Variants in USP46 observed in about 807,000 individuals in gnomAD.
USP46 encodes ubiquitin carboxyl-terminal hydrolase 46.
Under a neutral mutation model 44.4 loss-of-function variants are expected in USP46, and 12 were observed. The observed-to-expected ratio is 0.27, with a 90% CI of 0.17 to 0.44. The LOEUF (loss-of-function observed/expected upper bound fraction) is 0.44, where lower values mean the gene tolerates loss of function less well. Among genes scored for constraint, USP46 ranks in the 20% least tolerant of loss-of-function variants. USP46 has a pLI of 1.00. For synonymous variants in USP46, 155 were observed against 161.5 expected (o/e 0.96, Z 0.31); for missense variants, 248 against 444.8 (o/e 0.56, Z 3.98).
At chr4:52,623,897 G>A (rs2109625738) in intron 4 of USP46, among the ~76,000 whole-genome samples, 1 of 152,076 alleles carries the variant, frequency 6.6e-6, no homozygotes, top group South Asian at 2.1e-4. Flanking sequence ...TCCAGCCTAG[G>A]CAGCAGAGCG....
intron 4 of USP46, among the ~76,000 whole-genome samples, chr4:52,615,372 G>T (rs1717093142): frequency 6.6e-6 from 1 of 152,164 alleles, no homozygotes; most frequent in Non-Finnish European, 1.5e-5. Context: ...GCGTAAGTTT[G>T]TAGAGGGCTA....
At chr4:52,639,522 G>A (rs1473607424) in intron 1 of USP46, among the ~76,000 whole-genome samples, 1 of 152,058 alleles carries the variant, frequency 6.6e-6, no homozygotes, top group Non-Finnish European at 1.5e-5. Context: ...AAAAAAATGG[G>A]AAAGGACTGA....
intron 1 of USP46, among the ~76,000 whole-genome samples, chr4:52,645,947 T>C (rs951697100): frequency 1.3e-5 from 2 of 151,158 alleles, no homozygotes; most frequent in Admixed American, 6.6e-5. Flanking sequence ...CATGGTAAGA[T>C]GTGCCTGCTT....
intron 7 of USP46, among the ~76,000 whole-genome samples, chr4:52,600,246 TA>T (rs916679578): frequency 2.6e-5 from 4 of 151,434 alleles, no homozygotes; most frequent in South Asian, 4.2e-4. Context: ...TATATGAGCT[TA>T]AAAAAAAACT....
In USP46 at chr4:52,632,928, GA is replaced by G. The variant is rs1317048064; in HGVS notation, c.37-1785del. Among the ~76,000 whole-genome samples, 12 of 51,864 alleles carry G rather than the reference GA, an allele frequency of 2.3e-4. No individual in the cohort carries two copies. In the Admixed American group the frequency reaches 2.5e-3, roughly 11 times the overall value. 34.0% of individuals were successfully genotyped at this position (51,864 alleles called of 152,430 possible). ...AGAGAAAGAAAGAAAGAGAAAGAAA[GA>G]AAGAAAGAAAGAAAGAAAGAAAGAA... On this transcript the variant is annotated intron_variant, in intron 1 of 8. Coordinates refer to ENST00000441222, the MANE Select transcript of USP46 (RefSeq NM_022832.4).
chr4:52,654,222 G>A (rs964311590), intron 1 of USP46, among the ~76,000 whole-genome samples: 12 of 152,094 alleles, frequency 7.9e-5, no homozygotes, highest in Admixed American at 7.9e-4. Context: ...TCTAATCCCA[G>A]CAACTATCAG....
At chr4:52,612,955 T>C (rs764545799) in intron 4 of USP46, among the ~76,000 whole-genome samples, 21 of 152,318 alleles carry the variant, frequency 1.4e-4, no homozygotes, top group Non-Finnish European at 2.8e-4. Context: ...CTGGCTTCCA[T>C]AGTAACTAAG....
chr4:52,630,752 AAAAG>A (rs1252503298), intron 2 of USP46, among the ~76,000 whole-genome samples: 6,321 of 149,434 alleles, frequency 0.042, 184 homozygotes, highest in South Asian at 0.12. Flanking sequence ...AAAAAAAAAA[AAAAG>A]AAAAAATCAG....
At chr4:52,630,078 A>G (rs768977864) in intron 2 of USP46, among the ~76,000 whole-genome samples, 5 of 152,226 alleles carry the variant, frequency 3.3e-5, no homozygotes, top group Non-Finnish European at 7.3e-5. Context: ...TTGAGTTAAT[A>G]TTTGATGTCA....
At chr4:52,597,850 T>G (rs1716307092) in intron 8 of USP46, 109 bp from the exon 9 acceptor site, 1 of 818,036 alleles carries the variant, frequency 1.2e-6, no homozygotes. Context: ...CAATTTGTTA[T>G]GAAATCATCA....
At chr4:52,632,939 A>AG (rs1654998249) in intron 1 of USP46, among the ~76,000 whole-genome samples, 1 of 69,794 alleles carries the variant, frequency 1.4e-5, no homozygotes, top group Non-Finnish European at 2.7e-5. Flanking sequence ...AAAGAAAGAA[A>AG]GAAAGAAAGA....
chr4:52,602,529 G>T (rs1161640216), intron 6 of USP46, among the ~76,000 whole-genome samples: 2 of 152,140 alleles, frequency 1.3e-5, no homozygotes, highest in Non-Finnish European at 2.9e-5. Flanking sequence ...ACACTCTTGG[G>T]CATCGGGACA....
intron 7 of USP46, among the ~76,000 whole-genome samples, chr4:52,599,255 G>A (rs2109590814): frequency 6.6e-6 from 1 of 151,478 alleles, no homozygotes. Context: ...ATGGCAGGGG[G>A]AGGGGTAGGG....
chr4:52,612,964 A>C (rs897533823), intron 4 of USP46, among the ~76,000 whole-genome samples: 4 of 152,210 alleles, frequency 2.6e-5, no homozygotes, highest in African/African-American at 9.7e-5. Flanking sequence ...ATAGTAACTA[A>C]GATCCCAGCA....
chr4:52,598,595 CT>C, intron 8 of USP46, 32 bp downstream of exon 8: 3 of 1,579,978 alleles, frequency 1.9e-6, no homozygotes, highest in Non-Finnish European at 1.7e-6. Context: ...TACTGATGCT[CT>C]ATGACTACTG....
In USP46 at chr4:52,592,657, G is replaced by A. The variant is rs1055322061; in HGVS notation, c.*4983C>T. The A allele has an allele frequency of 5.4e-6, 2 of 367,072 alleles. No homozygotes were observed. The highest frequency in any genetic ancestry group is 4.2e-5 in the African/African-American group (2 of 47,940). 22.7% of individuals were successfully genotyped at this position (367,072 alleles called of 1,614,324 possible). On this transcript the variant is annotated 3_prime_UTR_variant, in exon 9 of 9. Coordinates refer to ENST00000441222, the MANE Select transcript of USP46 (RefSeq NM_022832.4). ...AGTTCCAGACCAGCTTGGCCAATAT[G>A]AGAAAACTTTGTATCTACTGAAAAT...
chr4:52,632,972 GAAAGAAAGAAAGAAAAGAAA>G (rs1717933104), intron 1 of USP46, among the ~76,000 whole-genome samples: 1 of 73,986 alleles, frequency 1.4e-5, no homozygotes, highest in African/African-American at 6.7e-5. Flanking sequence ...AAGAAAGAAA[GAAAGAAAGAAAGAAAAGAAA>G]AGAAAGAAAG....
intron 1 of USP46, chr4:52,656,502 G>T (rs1718957392): frequency 6.9e-6 from 10 of 1,441,274 alleles, no homozygotes; most frequent in Non-Finnish European, 9.1e-6. Flanking sequence ...TCCTATACAT[G>T]GGAGGTGTTT....
intron 1 of USP46, among the ~76,000 whole-genome samples, chr4:52,654,857 C>T (rs182017557): frequency 1.2e-3 from 181 of 152,270 alleles, no homozygotes; most frequent in African/African-American, 4.1e-3. Context: ...TTAAGAGGTG[C>T]AGATTTTCAT....
Sources: gnomAD v4.1 joint callset for allele counts (sites outside exome capture counted in the v4.1 genomes callset) on GRCh38, gnomAD v4.1.1 for gene constraint, MANE v1.5 for transcripts, NCBI Gene and HGNC (gene_info 2026-07-23, HGNC 2026-07-21) for gene names.